LIX1: variants seen among roughly 807,000 people sequenced by gnomAD.
LIX1 encodes limb and CNS expressed 1.
LIX1 carries 24 observed loss-of-function variants against 33.4 expected under a neutral mutation model. That is an observed-to-expected ratio of 0.72 (90% CI 0.52 to 1.01). The LOEUF (loss-of-function observed/expected upper bound fraction) is 1.01. LIX1 is among the 50% of genes least tolerant of loss of function. The probability of loss-of-function intolerance (pLI) is 0.00; values close to 1 mark genes in which losing one functional copy is unlikely to be tolerated. For synonymous variants in LIX1, 124 were observed against 124.0 expected (o/e 1.00, Z 0.00); for missense variants, 311 against 339.2 (o/e 0.92, Z 0.65).
intron 2 of LIX1, among the ~76,000 whole-genome samples, chr5:97,117,214 C>T (rs1053032579): frequency 2.6e-5 from 4 of 152,126 alleles, no homozygotes; most frequent in African/African-American, 9.7e-5. Flanking sequence ...TGGAGATTTC[C>T]ACCAGGAAAT....
At chr5:97,121,480 A>C (rs904622212) in intron 2 of LIX1, among the ~76,000 whole-genome samples, 43 of 152,016 alleles carry the variant, frequency 2.8e-4, no homozygotes, top group Admixed American at 2.6e-3. Context: ...TTTTGCTCTA[A>C]GTTCTAGAAG....
intron 1 of LIX1, among the ~76,000 whole-genome samples, chr5:97,133,849 T>A (rs903925445): frequency 5.3e-5 from 8 of 152,202 alleles, no homozygotes; most frequent in African/African-American, 1.7e-4. Context: ...TTCATAACAG[T>A]GTATTCTTCA....
rs543353438 is a variant in LIX1, at chr5:97,135,795, G to C, written c.82+6700C>G. On this transcript the variant is annotated intron_variant, in intron 1 of 5. Transcript: ENST00000274382. ...GATCATGCCACTACACTCCAGCCTG[G>C]GTGACAGAGCGAGACTCTGTCTCAA... Among the ~76,000 whole-genome samples the C allele has an allele frequency of 1.3e-4, 19 of 151,890 alleles. 1 individual carries two copies. In the South Asian group the frequency reaches 3.8e-3, roughly 30 times the overall value.
At chr5:97,111,704 G>A (rs73143140) in intron 2 of LIX1, among the ~76,000 whole-genome samples, 1 of 152,288 alleles carries the variant, frequency 6.6e-6, no homozygotes, top group African/African-American at 2.4e-5. Context: ...CTTTTATGGA[G>A]AGAGAGACCT....
chr5:97,109,320 C>T lies in LIX1; in HGVS notation c.247-1820G>A, dbSNP rs187071514. 5.4e-3 allele frequency among the ~76,000 whole-genome samples: 825 copies of T among 152,268 alleles called. 7 individuals are homozygous for T. Among genetic ancestry groups the T allele is most frequent in the African/African-American group, 0.019 (791 of 41,540 alleles). On this transcript the variant is annotated intron_variant, in intron 2 of 5. Coordinates refer to ENST00000274382, the MANE Select transcript of LIX1 (RefSeq NM_153234.5). Reference sequence around the variant, plus strand: ...CCAGGCTGGAGTGCAGTGGTGCAATCTTAGCTCACTGCAACCTCCACTTCT... The same window carrying T: ...CCAGGCTGGAGTGCAGTGGTGCAATTTTAGCTCACTGCAACCTCCACTTCT...
At chr5:97,114,904 A>C (rs1747596579) in intron 2 of LIX1, among the ~76,000 whole-genome samples, 1 of 152,206 alleles carries the variant, frequency 6.6e-6, no homozygotes. Flanking sequence ...TTGTAAAGCC[A>C]CTTCTGCTAA....
intron 4 of LIX1, among the ~76,000 whole-genome samples, chr5:97,098,386 C>T (rs1020031653): frequency 5.3e-5 from 8 of 152,118 alleles, no homozygotes; most frequent in African/African-American, 1.9e-4. Context: ...TTTCATTTTC[C>T]TAATGCGGTT....
chr5:97,091,908 C>A lies in LIX1; in HGVS notation c.*2840G>T, dbSNP rs1746083603. 6.6e-6 allele frequency: 1 copy of A among 152,348 alleles called. No homozygotes were observed. The highest frequency in any genetic ancestry group is 2.4e-5 in the African/African-American group (1 of 41,452). The allele number at this position is 152,348 out of a possible 1,614,324, so 9.4% of individuals were successfully genotyped here. Reference sequence around the variant, plus strand: ...TACGACTTTATTAAATCTGTACTTTCTGACCCATTTATCCAAGTTTAGTGA... The same window carrying A: ...TACGACTTTATTAAATCTGTACTTTATGACCCATTTATCCAAGTTTAGTGA... On this transcript the variant is annotated 3_prime_UTR_variant, in exon 6 of 6. Coordinates refer to ENST00000274382, the MANE Select transcript of LIX1 (RefSeq NM_153234.5).
chr5:97,116,069 C>T (rs1747627760), intron 2 of LIX1, among the ~76,000 whole-genome samples: 1 of 152,154 alleles, frequency 6.6e-6, no homozygotes, highest in Admixed American at 6.6e-5. Flanking sequence ...TAGCAAGTGA[C>T]TTGCGGAGTT....
chr5:97,122,139 A>G (rs1561500795), intron 2 of LIX1, among the ~76,000 whole-genome samples: 1 of 152,184 alleles, frequency 6.6e-6, no homozygotes, highest in Non-Finnish European at 1.5e-5. Flanking sequence ...ACCAGTGGTA[A>G]AAACACACTG....
intron 1 of LIX1, among the ~76,000 whole-genome samples, chr5:97,129,208 C>G (rs1015271833): frequency 6.6e-6 from 1 of 152,114 alleles, no homozygotes; most frequent in Admixed American, 6.5e-5. Flanking sequence ...GGTACCTACT[C>G]TTTTTCAAGA....
At chr5:97,115,110 A>G (rs1659517013) in intron 2 of LIX1, among the ~76,000 whole-genome samples, 1 of 152,172 alleles carries the variant, frequency 6.6e-6, no homozygotes, top group Admixed American at 6.5e-5. Flanking sequence ...TTCTTCTATG[A>G]TTATTTTCCA....
At chr5:97,125,016 C>T (rs1747883631) in intron 1 of LIX1, among the ~76,000 whole-genome samples, 1 of 152,072 alleles carries the variant, frequency 6.6e-6, no homozygotes, top group African/African-American at 2.4e-5. Flanking sequence ...TAGACTTTAT[C>T]CAGAGCTGTG....
intron 2 of LIX1, among the ~76,000 whole-genome samples, chr5:97,123,532 T>C (rs1747835821): frequency 6.6e-6 from 1 of 152,240 alleles, no homozygotes; most frequent in Non-Finnish European, 1.5e-5. Flanking sequence ...CTTGTCTCCA[T>C]GGGCACTCAT....
At chr5:97,107,119 C>A (rs1315834167) in intron 3 of LIX1, among the ~76,000 whole-genome samples, 1 of 152,170 alleles carries the variant, frequency 6.6e-6, no homozygotes, top group African/African-American at 2.4e-5. Flanking sequence ...ATCCAATGAT[C>A]TACCTTGATT....
chr5:97,117,067 A>AT (rs1357699385), intron 2 of LIX1, among the ~76,000 whole-genome samples: 1 of 152,222 alleles, frequency 6.6e-6, no homozygotes, highest in Non-Finnish European at 1.5e-5. Flanking sequence ...AAAGGGTCTC[A>AT]TTAAAGCAAT....
chr5:97,107,476 TGGCCTC>T lies in LIX1; in HGVS notation c.265_270del (p.Glu89_Ala90del). On this transcript the variant is annotated inframe_deletion, in exon 3 of 6. Coordinates refer to ENST00000274382, the MANE Select transcript of LIX1 (RefSeq NM_153234.5). ...AGGGCCACTTTAGCTGCATCCCGCCTGGCCTCGGCTCTACTTAAGCAGCACTTGAGA... is the reference window on the plus strand; with the variant it reads ...AGGGCCACTTTAGCTGCATCCCGCCTGGCTCTACTTAAGCAGCACTTGAGA... The T allele has an allele frequency of 6.2e-7, 1 of 1,613,992 alleles. No individual in the cohort carries two copies.
At chr5:97,122,863 C>T (rs1023723779) in intron 2 of LIX1, among the ~76,000 whole-genome samples, 1 of 152,224 alleles carries the variant, frequency 6.6e-6, no homozygotes. Context: ...CCCTATTTTA[C>T]TCTAACAACT....
At chr5:97,098,315 A>T (rs911905165) in intron 4 of LIX1, among the ~76,000 whole-genome samples, 4 of 152,212 alleles carry the variant, frequency 2.6e-5, no homozygotes, top group African/African-American at 7.2e-5. Flanking sequence ...TATCAGCACC[A>T]TCATTTCCTT....
Sources: allele counts gnomAD v4.1 joint callset (sites outside exome capture counted in the v4.1 genomes callset), GRCh38; gene constraint gnomAD v4.1.1; transcripts MANE v1.5; gene names NCBI Gene and HGNC (gene_info 2026-07-23, HGNC 2026-07-21).